NTRK1: variants seen among roughly 807,000 people sequenced by gnomAD.
NTRK1 encodes the protein neurotrophic receptor tyrosine kinase 1, also known as high affinity nerve growth factor receptor.
In NTRK1, 62 loss-of-function variants were observed where a neutral mutation model predicts 86.8. The ratio of observed to expected loss-of-function variants is 0.71; its 90% CI spans 0.58 to 0.88. NTRK1 has a LOEUF of 0.88. NTRK1 is among the 40% of genes least tolerant of loss of function. The pLI, the probability that NTRK1 is intolerant of heterozygous loss-of-function variation, is 0.00. For synonymous variants in NTRK1, 469 were observed against 456.6 expected (o/e 1.03, Z -0.35); for missense variants, 967 against 1,078.4 (o/e 0.90, Z 1.45).
rs974057880 is a variant in NTRK1 at position 156,842,278 on chromosome 1, C to A, written c.50+85C>A. The A allele has an allele frequency of 4.3e-6, 7 of 1,613,860 alleles. No homozygotes were observed. In the South Asian group the frequency reaches 7.7e-5, roughly 18 times the overall value. On this transcript the variant is annotated intron_variant, in intron 2 of 16. Transcript: ENST00000392302. ...GTGGGAGCCCAGGGTTGTTCTAGAGCCAAGATTGGGGGCTGGTGAGGAAGG... is the reference window on the plus strand; with the variant it reads ...GTGGGAGCCCAGGGTTGTTCTAGAGACAAGATTGGGGGCTGGTGAGGAAGG...
In NTRK1 at chr1:156,874,773, C is replaced by T. The variant is rs752777919; in HGVS notation, c.1252-133C>T. On this transcript the variant is annotated intron_variant, in intron 10 of 16. Transcript: ENST00000524377. Reference sequence around the variant, plus strand: ...CCACCCGCACAGCCACTGCAGGGGTCCCCAGGGGAGGATGAGGCAGGTCTG... The same window carrying T: ...CCACCCGCACAGCCACTGCAGGGGTTCCCAGGGGAGGATGAGGCAGGTCTG... 11 of 1,180,514 alleles carry T rather than the reference C, an allele frequency of 9.3e-6. No individual in the cohort carries two copies. In the Admixed American group the frequency reaches 1.8e-4, roughly 19 times the overall value. 73.1% of individuals were successfully genotyped at this position (1,180,514 alleles called of 1,614,324 possible).
At chr1:156,864,317 G>A (rs1219955371) in intron 1 of NTRK1, 37 bp from the exon 2 acceptor site, 1 of 1,608,988 alleles carries the variant, frequency 6.2e-7, no homozygotes, top group Admixed American at 1.7e-5. Context: ...TCAAGTGTGG[G>A]CCTGAGCCCT....
intron 1 of NTRK1, among the ~76,000 whole-genome samples, chr1:156,829,715 C>CAATCT (rs1654416962): frequency 6.6e-6 from 1 of 151,950 alleles, no homozygotes. Flanking sequence ...TGCAGTGGCA[C>CAATCT]GATCTCGGCT....
chr1:156,842,461 G>C (rs750698168), intron 2 of NTRK1: 3 of 1,614,092 alleles, frequency 1.9e-6, no homozygotes, highest in Admixed American at 1.7e-5. Flanking sequence ...TTAACTCCAT[G>C]ATGACCAGAG....
At chr1:156,877,356 T>A (rs865955268) in intron 14 of NTRK1, among the ~76,000 whole-genome samples, 5 of 152,368 alleles carry the variant, frequency 3.3e-5, no homozygotes, top group Middle Eastern at 3.4e-3. Context: ...TCTGATACAT[T>A]TATCTATTTG....
chr1:156,827,664 T>G (rs1233399121), intron 1 of NTRK1, among the ~76,000 whole-genome samples: 1 of 152,080 alleles, frequency 6.6e-6, no homozygotes, highest in East Asian at 1.9e-4. Context: ...TCCAAAATGC[T>G]GGGATTAAAG....
intron 2 of NTRK1, chr1:156,849,525 C>A: frequency 8.7e-7 from 1 of 1,151,384 alleles, no homozygotes; most frequent in East Asian, 2.5e-5. Flanking sequence ...AAGGGGATGG[C>A]TTATGGGTTC....
intron 2 of NTRK1, chr1:156,851,864 GC>G (rs764321295): frequency 6.4e-7 from 1 of 1,574,108 alleles, no homozygotes. Context: ...CTCCCAGGGT[GC>G]CCCCCACCCT....
intron 1 of NTRK1, among the ~76,000 whole-genome samples, chr1:156,830,555 T>C (rs1292917614): frequency 3.5e-5 from 1 of 28,894 alleles, no homozygotes; most frequent in Admixed American, 5.5e-4. Context: ...GGATTCTTTT[T>C]TTTTTTTTTT....
At chr1:156,867,792 G>A (rs534673535) in intron 4 of NTRK1, among the ~76,000 whole-genome samples, 1 of 152,054 alleles carries the variant, frequency 6.6e-6, no homozygotes, top group East Asian at 1.9e-4. Flanking sequence ...TCCTGCCTCA[G>A]CCTCCTGAGT....
In NTRK1 at chr1:156,876,488, G is replaced by A. The variant is rs554180226; in HGVS notation, c.1721G>A (p.Arg574His). ...ATGCTGCAGCACCAGCACATCGTGC[G>A]CTTCTTCGGCGTCTGCACCGAGGGC... ...LTMLQHQHIV[R>H]FFGVCTEGRP... is the part of the protein sequence containing the mutation. The change falls in exon 14 of 17, where the codon CGC becomes CAC. Residue 574 changes from arginine to histidine, a missense_variant. Transcript: ENST00000524377. The A allele has an allele frequency of 4.3e-6, 7 of 1,613,806 alleles. No individual in the cohort carries two copies. The highest frequency in any genetic ancestry group is 2.2e-5 in the South Asian group (2 of 91,080).
chr1:156,867,713 G>A (rs551959272), intron 4 of NTRK1, among the ~76,000 whole-genome samples: 2 of 151,186 alleles, frequency 1.3e-5, no homozygotes, highest in East Asian at 3.9e-4. Context: ...CTGTCACCCA[G>A]GCTGGAGTGC....
rs200008715 is a variant in NTRK1 at position 156,876,515 on chromosome 1, GC to G, written c.1753del (p.Leu585CysfsTer73). Reference protein sequence around the residue: ...VRFFGVCTEGRPLLMVFEYMR... With the variant: ...VRFFGVCTEGXPLLMVFEYMR... Reference sequence around the variant, plus strand: ...TTCTTCGGCGTCTGCACCGAGGGCCGCCCCCTGCTCATGGTCTTTGAGTATA... The same window carrying G: ...TTCTTCGGCGTCTGCACCGAGGGCCGCCCCTGCTCATGGTCTTTGAGTATA... On this transcript the variant is annotated frameshift_variant, in exon 14 of 17. Transcript: ENST00000524377. LOFTEE classifies it high-confidence loss of function. 6.2e-7 allele frequency: 1 copy of G among 1,613,548 alleles called. No homozygotes were observed. Among genetic ancestry groups the G allele is most frequent in the Non-Finnish European group, 8.5e-7 (1 of 1,179,976 alleles).
intron 2 of NTRK1, among the ~76,000 whole-genome samples, chr1:156,852,406 G>T (rs1402957461): frequency 6.6e-6 from 1 of 152,092 alleles, no homozygotes; most frequent in Non-Finnish European, 1.5e-5. Flanking sequence ...CTCCCACAGT[G>T]CCTAGTCGGG....
chr1:156,873,819 T>C lies in NTRK1; in HGVS notation c.1037T>C (p.Leu346Pro), dbSNP rs150651692. 2.5e-6 allele frequency: 4 copies of C among 1,612,284 alleles called. No individual in the cohort carries two copies. The African/African-American group carries it at 5.3e-5, about 22-fold the overall frequency. The change falls in exon 8 of 17, where the codon CTG (leucine) becomes CCG (proline). Residue 346 changes from leucine to proline, a missense_variant. Transcript: ENST00000524377. ...AANETVRHGC[L>P]RLNQPTHVNN... ...AATGAGACCGTGCGGCACGGGTGTC[T>C]GCGCCTCAACCAGCCCACCCACGTC...
intron 1 of NTRK1, among the ~76,000 whole-genome samples, chr1:156,831,623 T>C (rs1442011668): frequency 2.0e-5 from 3 of 152,160 alleles, no homozygotes; most frequent in Middle Eastern, 3.4e-3. Flanking sequence ...TTGGAAGTCA[T>C]CAGGGAGGGA....
Position 156,879,397 on chromosome 1 carries a change from A to G in NTRK1, c.2046+35A>G, listed in dbSNP as rs1477305678. On this transcript the variant is annotated intron_variant, in intron 15 of 16. Transcript: ENST00000524377. ...CTTTGTCCCCAACGCCTTCCCCTGC[A>G]TCCAAACTGTAGACACCCTGGATCC... 5 of 1,579,872 alleles carry G rather than the reference A, an allele frequency of 3.2e-6. No homozygotes were observed. In the South Asian group the frequency reaches 5.6e-5, roughly 18 times the overall value.
chr1:156,867,128 T>A, intron 4 of NTRK1, 150 bp downstream of exon 4: 2 of 837,368 alleles, frequency 2.4e-6, no homozygotes, highest in Non-Finnish European at 4.0e-6. Context: ...GAAACCCCCA[T>A]CAAAGCAGGG....
At chr1:156,835,247 G>C (rs1287573534) in intron 1 of NTRK1, among the ~76,000 whole-genome samples, 2 of 152,172 alleles carry the variant, frequency 1.3e-5, no homozygotes, top group Admixed American at 1.3e-4. Context: ...ACAAAAACAT[G>C]CTGCCAATCC....
Sources: gnomAD v4.1 joint callset for allele counts (sites outside exome capture counted in the v4.1 genomes callset) on GRCh38, gnomAD v4.1.1 for gene constraint, MANE v1.5 for transcripts, NCBI Gene and HGNC (gene_info 2026-07-23, HGNC 2026-07-21) for gene names.